MTPN: variants seen among roughly 807,000 people sequenced by gnomAD.
MTPN encodes myotrophin, also known as granule cell differentiation protein.
MTPN carries 2 observed loss-of-function variants against 13.5 expected under a neutral mutation model. That is an observed-to-expected ratio of 0.15 (90% CI 0.06 to 0.47). MTPN has a LOEUF of 0.47. Ranked by LOEUF, MTPN falls within the 20% of genes least tolerant of loss-of-function variation. The probability of loss-of-function intolerance (pLI) is 0.97; values close to 1 mark genes in which losing one functional copy is unlikely to be tolerated. For synonymous variants in MTPN, 46 were observed against 51.7 expected (o/e 0.89, Z 0.48); for missense variants, 79 against 137.9 (o/e 0.57, Z 2.14).
Position 135,951,553 on chromosome 7 carries a change from G to A in MTPN, c.150C>T (p.Ile50=). 1.9e-6 allele frequency: 3 copies of A among 1,613,154 alleles called. No individual in the cohort carries two copies. The highest frequency in any genetic ancestry group is 2.5e-6 in the Non-Finnish European group (3 of 1,179,414). Reference sequence around the variant, plus strand: ...CTCCTTTCAGCAGCAGAAATTCCAGGATTTCAAGCTGCCCACAATCTGCTG... The same window carrying A: ...CTCCTTTCAGCAGCAGAAATTCCAGAATTTCAAGCTGCCCACAATCTGCTG... ...HYAADCGQLE[I]LEFLLLKGAD... is the part of the protein sequence containing the mutation. Residue 50 remains isoleucine, a synonymous_variant, in exon 2 of 4, where the codon ATC becomes ATT. Transcript: ENST00000393085.
At chr7:135,943,837 G>A (rs748337906) in intron 3 of MTPN, among the ~76,000 whole-genome samples, 11 of 152,168 alleles carry the variant, frequency 7.2e-5, no homozygotes, top group Non-Finnish European at 1.2e-4. Context: ...CTCCTCTCAG[G>A]TATAGCTCAG....
At chr7:135,963,525 T>A (rs1020654593) in intron 1 of MTPN, among the ~76,000 whole-genome samples, 1 of 151,980 alleles carries the variant, frequency 6.6e-6, no homozygotes, top group Non-Finnish European at 1.5e-5. Flanking sequence ...AACTTTACAA[T>A]ACAGAAAAAC....
At chr7:135,968,406 C>T (rs951237060) in intron 1 of MTPN, among the ~76,000 whole-genome samples, 1 of 151,794 alleles carries the variant, frequency 6.6e-6, no homozygotes, top group African/African-American at 2.4e-5. Context: ...GTAATCACAG[C>T]TCCTCTTTAC....
At chr7:135,946,214 T>TC (rs1441715620) in intron 3 of MTPN, among the ~76,000 whole-genome samples, 2 of 152,208 alleles carry the variant, frequency 1.3e-5, no homozygotes, top group Non-Finnish European at 2.9e-5. Context: ...TTGCTATTAT[T>TC]CAAGTGTTTA....
intron 3 of MTPN, among the ~76,000 whole-genome samples, chr7:135,942,109 G>C (rs1291819875): frequency 6.6e-6 from 1 of 151,784 alleles, no homozygotes; most frequent in Non-Finnish European, 1.5e-5. Flanking sequence ...GGCTGGTCTC[G>C]AACTCCTGAC....
Position 135,927,975 on chromosome 7 carries a change from A to C in MTPN, c.*1951T>G, listed in dbSNP as rs1584802041. 6.8e-6 allele frequency: 2 copies of C among 294,742 alleles called. No homozygotes were observed. Among genetic ancestry groups the C allele is most frequent in the Non-Finnish European group, 1.4e-5 (2 of 144,058 alleles). The allele number at this position is 294,742 out of a possible 1,614,324, so 18.3% of individuals were successfully genotyped here. Reference sequence around the variant, plus strand: ...AAGGGAAAAATTCAAGCCTTTAAATAGCATTATGTCAAGAGGTGAAAACAA... The same window carrying C: ...AAGGGAAAAATTCAAGCCTTTAAATCGCATTATGTCAAGAGGTGAAAACAA... On this transcript the variant is annotated 3_prime_UTR_variant, in exon 4 of 4. Transcript: ENST00000393085.
chr7:135,927,783 C>A lies in MTPN; in HGVS notation c.*2143G>T. The A allele has an allele frequency of 2.2e-6, 1 of 454,162 alleles. No homozygotes were observed. The allele number at this position is 454,162 out of a possible 1,614,324, so 28.1% of individuals were successfully genotyped here. On this transcript the variant is annotated 3_prime_UTR_variant, in exon 4 of 4. Coordinates refer to ENST00000393085, the MANE Select transcript of MTPN (RefSeq NM_145808.4). ...AGAAAGAAAAGCGAAGGCGAAATAG[C>A]CTCTACTGCATTACAAGCAACATCA... is the stretch of plus-strand genomic sequence containing the variant.
In MTPN at chr7:135,928,905, A is replaced by G. The variant is rs527806510; in HGVS notation, c.*1021T>C. 3 of 167,216 alleles carry G rather than the reference A, an allele frequency of 1.8e-5. 1 individual carries two copies. The highest frequency in any genetic ancestry group is 7.2e-5 in the African/African-American group (3 of 41,574). 10.4% of individuals were successfully genotyped at this position (167,216 alleles called of 1,614,324 possible). ...TGGGGCTAAATTTGTCCAAACAGTA[A>G]ATCTCACCCCAGTGATAGCTTTGGT... is the stretch of plus-strand genomic sequence containing the variant. On this transcript the variant is annotated 3_prime_UTR_variant, in exon 4 of 4. Coordinates refer to ENST00000393085, the MANE Select transcript of MTPN (RefSeq NM_145808.4).
rs1799112557 is a variant in MTPN, at chr7:135,936,204, G to T, written c.271-6192C>A. 1.3e-5 allele frequency among the ~76,000 whole-genome samples: 2 copies of T among 152,176 alleles called. 1 individual carries two copies. Among genetic ancestry groups the T allele is most frequent in the Admixed American group, 1.3e-4 (2 of 15,270 alleles). The stretch of plus-strand genomic sequence containing the variant: ...AATCAATACATGTTTATTGATACAG[G>T]CCGGGCACAGTGGCTCACGCCTGTA... On this transcript the variant is annotated intron_variant, in intron 3 of 3. Transcript: ENST00000393085.
At chr7:135,942,618 T>C (rs1476517268) in intron 3 of MTPN, among the ~76,000 whole-genome samples, 1 of 152,200 alleles carries the variant, frequency 6.6e-6, no homozygotes, top group Non-Finnish European at 1.5e-5. Flanking sequence ...ACTACGGTGA[T>C]TAAATAAGTT....
chr7:135,974,656 T>C (rs772714962), intron 1 of MTPN, among the ~76,000 whole-genome samples: 6 of 152,236 alleles, frequency 3.9e-5, no homozygotes, highest in Non-Finnish European at 8.8e-5. Flanking sequence ...GTTTTTAAAA[T>C]AGACTCTCAC....
Position 135,927,518 on chromosome 7 carries a change from T to TA in MTPN, c.*2407dup. 1 of 1,081,578 alleles carries TA rather than the reference T, an allele frequency of 9.2e-7. No homozygotes were observed. The highest frequency in any genetic ancestry group is 1.3e-6 in the Non-Finnish European group (1 of 743,220). The allele number at this position is 1,081,578 out of a possible 1,614,324, so 67.0% of individuals were successfully genotyped here. On this transcript the variant is annotated 3_prime_UTR_variant, in exon 4 of 4. Coordinates refer to ENST00000393085, the MANE Select transcript of MTPN (RefSeq NM_145808.4). The stretch of plus-strand genomic sequence containing the variant: ...TATTACTTCAGTGGAGAACAAAACT[T>TA]ACTTAACCTTTCGCTAATGCATGTA...
chr7:135,976,942 T>TCCCC, intron 1 of MTPN, 87 bp downstream of exon 1: 1 of 368,378 alleles, frequency 2.7e-6, no homozygotes. Context: ...CCCACCCCCA[T>TCCCC]CCCCGCAGTC....
intron 3 of MTPN, among the ~76,000 whole-genome samples, chr7:135,948,969 T>C (rs1799324434): frequency 6.6e-6 from 1 of 152,128 alleles, no homozygotes; most frequent in African/African-American, 2.4e-5. Flanking sequence ...GAGTCCTCCA[T>C]TTCTTTTGAG....
intron 1 of MTPN, among the ~76,000 whole-genome samples, chr7:135,972,477 A>T (rs1303706229): frequency 1.3e-5 from 2 of 152,238 alleles, no homozygotes; most frequent in African/African-American, 4.8e-5. Context: ...TCATCCAGTC[A>T]ATGGTAATTA....
At chr7:135,933,617 C>A (rs1024427161) in intron 3 of MTPN, among the ~76,000 whole-genome samples, 20 of 152,140 alleles carry the variant, frequency 1.3e-4, no homozygotes, top group African/African-American at 4.8e-4. Context: ...TGGCACCTAG[C>A]AGACTAATAT....
At chr7:135,971,020 C>T (rs1799686169) in intron 1 of MTPN, among the ~76,000 whole-genome samples, 1 of 152,064 alleles carries the variant, frequency 6.6e-6, no homozygotes, top group Non-Finnish European at 1.5e-5. Context: ...TTTAAATTGG[C>T]TATTTTATTA....
intron 1 of MTPN, among the ~76,000 whole-genome samples, chr7:135,969,793 T>A (rs780522861): frequency 1.1e-4 from 16 of 152,038 alleles, no homozygotes; most frequent in Non-Finnish European, 1.8e-4. Flanking sequence ...TTGCAAAACA[T>A]GATAAAAAAC....
At chr7:135,955,856 C>A (rs1324436941) in intron 1 of MTPN, among the ~76,000 whole-genome samples, 3 of 146,898 alleles carry the variant, frequency 2.0e-5, no homozygotes, top group African/African-American at 7.4e-5. Context: ...AAAAAAAAAC[C>A]CAATATGCAT....
Sources: gnomAD v4.1 joint callset for allele counts (sites outside exome capture counted in the v4.1 genomes callset) on GRCh38, gnomAD v4.1.1 for gene constraint, MANE v1.5 for transcripts, NCBI Gene and HGNC (gene_info 2026-07-23, HGNC 2026-07-21) for gene names.